The following LRMDA variants were observed in gnomAD, a reference collection of about 807,000 sequenced individuals.
LRMDA encodes leucine rich melanocyte differentiation associated.
Under a neutral mutation model 29.8 loss-of-function variants are expected in LRMDA, and 18 were observed. That is an observed-to-expected ratio of 0.60 (90% confidence interval 0.42 to 0.90). The LOEUF (loss-of-function observed/expected upper bound fraction) is 0.90. Ranked by LOEUF, LRMDA falls within the 40% of genes least tolerant of loss-of-function variation. The probability of loss-of-function intolerance (pLI) is 0.00; values close to 1 mark genes in which losing one functional copy is unlikely to be tolerated. For missense variants in LRMDA, 273 were observed against 273.9 expected (o/e 1.00, Z 0.02); for synonymous variants, 125 against 109.4 (o/e 1.14, Z -0.89).
Position 76,391,804 on chromosome 10 carries a change from A to G in LRMDA, c.601+67319A>G, listed in dbSNP as rs141898733. On this transcript the variant is annotated intron_variant, in intron 6 of 6. Coordinates refer to ENST00000611255, the MANE Select transcript of LRMDA (RefSeq NM_001305581.2). The stretch of plus-strand genomic sequence containing the variant: ...AGCCTAATCTTTTATGGTCATAAGA[A>G]GCTTTTTTGCATGAATAGGTTAGAG... Among the ~76,000 whole-genome samples, 42 of 152,304 alleles carry G rather than the reference A, an allele frequency of 2.8e-4. 1 individual carries two copies. The highest frequency in any genetic ancestry group is 9.6e-4 in the African/African-American group (40 of 41,570).
intron 2 of LRMDA, among the ~76,000 whole-genome samples, chr10:75,822,419 C>T (rs1844177725): frequency 6.6e-6 from 1 of 152,078 alleles, no homozygotes; most frequent in African/African-American, 2.4e-5. Context: ...AACCCAATTC[C>T]TGTCGAACTA....
At chr10:76,529,663 T>A (rs868538463) in intron 6 of LRMDA, among the ~76,000 whole-genome samples, 1 of 152,138 alleles carries the variant, frequency 6.6e-6, no homozygotes, top group African/African-American at 2.4e-5. Context: ...TCCAGCAATG[T>A]GGCAAAGAAC....
At chr10:76,157,973 A>G (rs1465142409) in intron 5 of LRMDA, among the ~76,000 whole-genome samples, 1 of 129,628 alleles carries the variant, frequency 7.7e-6, no homozygotes, top group African/African-American at 2.5e-5. Context: ...GTATTTGTGT[A>G]TCTAAACAAA....
chr10:76,063,274 T>G (rs1848731603), intron 5 of LRMDA, among the ~76,000 whole-genome samples: 1 of 152,222 alleles, frequency 6.6e-6, no homozygotes, highest in Non-Finnish European at 1.5e-5. Flanking sequence ...AGTAGTGAGG[T>G]GTCTTTGAAG....
chr10:76,461,265 C>T (rs1842509111), intron 6 of LRMDA, among the ~76,000 whole-genome samples: 1 of 152,136 alleles, frequency 6.6e-6, no homozygotes, highest in South Asian at 2.1e-4. Flanking sequence ...GGTATGCCAT[C>T]AAGAACCAAA....
At chr10:76,416,162 A>G (rs973964388) in intron 6 of LRMDA, among the ~76,000 whole-genome samples, 2 of 152,160 alleles carry the variant, frequency 1.3e-5, no homozygotes, top group Non-Finnish European at 1.5e-5. Flanking sequence ...CATTCAACTA[A>G]TATGGCAGAA....
intron 2 of LRMDA, among the ~76,000 whole-genome samples, chr10:75,599,643 C>T (rs557484702): frequency 2.5e-4 from 38 of 152,308 alleles, no homozygotes; most frequent in African/African-American, 7.2e-4. Context: ...ATCCAAGCTG[C>T]GCTGCCCAGC....
At chr10:75,719,167 A>C (rs758824174) in intron 2 of LRMDA, among the ~76,000 whole-genome samples, 1 of 152,250 alleles carries the variant, frequency 6.6e-6, no homozygotes, top group South Asian at 2.1e-4. Context: ...CTGTTCTTCA[A>C]TTAACACCCA....
chr10:76,293,047 C>T (rs1022866285), intron 5 of LRMDA, among the ~76,000 whole-genome samples: 1 of 152,180 alleles, frequency 6.6e-6, no homozygotes, highest in Non-Finnish European at 1.5e-5. Context: ...CGGCTCGGCT[C>T]ACTGCAAGCT....
intron 5 of LRMDA, among the ~76,000 whole-genome samples, chr10:76,220,837 A>G (rs1276459360): frequency 1.3e-5 from 2 of 152,086 alleles, no homozygotes; most frequent in Non-Finnish European, 2.9e-5. Context: ...ACTTTAGACC[A>G]ATATCCTTGA....
At chr10:76,136,322 T>G (rs1260450831) in intron 5 of LRMDA, among the ~76,000 whole-genome samples, 1 of 152,236 alleles carries the variant, frequency 6.6e-6, no homozygotes, top group Non-Finnish European at 1.5e-5. Context: ...AAGAATTCCC[T>G]AGATAATTCT....
intron 2 of LRMDA, among the ~76,000 whole-genome samples, chr10:75,995,348 A>G (rs61048952): frequency 0.021 from 3,214 of 152,160 alleles, 61 homozygotes; most frequent in East Asian, 0.066. Context: ...GCTTGGTCCA[A>G]CCTCCATCCT....
At chr10:76,296,567 C>T (rs1021041314) in intron 5 of LRMDA, among the ~76,000 whole-genome samples, 3 of 152,146 alleles carry the variant, frequency 2.0e-5, no homozygotes, top group Non-Finnish European at 4.4e-5. Context: ...GAGTTAGACA[C>T]CATTTAGTAG....
At chr10:76,115,727 G>A (rs1166072977) in intron 5 of LRMDA, among the ~76,000 whole-genome samples, 4 of 152,290 alleles carry the variant, frequency 2.6e-5, no homozygotes, top group African/African-American at 4.8e-5. Context: ...CACAGCTCCG[G>A]CTGTTATATG....
chr10:75,605,352 A>G (rs981978412), intron 2 of LRMDA, among the ~76,000 whole-genome samples: 9 of 152,328 alleles, frequency 5.9e-5, no homozygotes, highest in Admixed American at 5.9e-4. Flanking sequence ...TGTAGTTTAC[A>G]CCAGTCTTCA....
At chr10:76,316,044 G>A (rs1214296892) in intron 5 of LRMDA, among the ~76,000 whole-genome samples, 1 of 152,094 alleles carries the variant, frequency 6.6e-6, no homozygotes, top group Non-Finnish European at 1.5e-5. Context: ...CTGGATGCAG[G>A]ACAGGAACTC....
intron 6 of LRMDA, among the ~76,000 whole-genome samples, chr10:76,460,363 A>G (rs938374811): frequency 1.3e-5 from 2 of 152,218 alleles, no homozygotes; most frequent in South Asian, 2.1e-4. Context: ...GTATTTCTAG[A>G]AGTTATTGCT....
chr10:75,906,437 C>T (rs1342957689), intron 2 of LRMDA, among the ~76,000 whole-genome samples: 1 of 152,142 alleles, frequency 6.6e-6, no homozygotes, highest in African/African-American at 2.4e-5. Context: ...GTCACACAGC[C>T]AATTAGAGGT....
intron 2 of LRMDA, among the ~76,000 whole-genome samples, chr10:75,824,790 C>T (rs984135206): frequency 2.0e-5 from 3 of 152,154 alleles, no homozygotes; most frequent in Non-Finnish European, 4.4e-5. Context: ...CATTTTACCA[C>T]CCAGTGGAAG....
Sources: allele counts gnomAD v4.1 joint callset (sites outside exome capture counted in the v4.1 genomes callset), GRCh38; gene constraint gnomAD v4.1.1; transcripts MANE v1.5; gene names NCBI Gene and HGNC (gene_info 2026-07-23, HGNC 2026-07-21).